HOXB3: variants seen among roughly 807,000 people sequenced by gnomAD.
HOXB3 encodes homeobox B3.
In HOXB3, 17 loss-of-function variants were observed where a neutral mutation model predicts 29.2. The observed-to-expected ratio is 0.58, with a 90% CI of 0.40 to 0.87. HOXB3 has a LOEUF of 0.87. HOXB3 is among the 40% of genes least tolerant of loss of function. The probability of loss-of-function intolerance (pLI) is 0.00; values close to 1 mark genes in which losing one functional copy is unlikely to be tolerated. For missense variants in HOXB3, 637 were observed against 616.3 expected (o/e 1.03, Z -0.35); for synonymous variants, 317 against 285.9 (o/e 1.11, Z -1.10).
intron 1 of HOXB3, among the ~76,000 whole-genome samples, chr17:48,585,732 T>G (rs1371220570): frequency 6.6e-6 from 1 of 152,166 alleles, no homozygotes; most frequent in Non-Finnish European, 1.5e-5. Context: ...AGAAAACGAA[T>G]TAGAGAGATG....
At chr17:48,559,545 T>C (rs1036268560) in intron 2 of HOXB3, 1 of 152,182 alleles carries the variant, frequency 6.6e-6, no homozygotes, top group Non-Finnish European at 1.5e-5. Flanking sequence ...AAAAGTGGTG[T>C]AAAGGTCACA....
chr17:48,582,766 C>A (rs2069974810), intron 1 of HOXB3: 1 of 152,266 alleles, frequency 6.6e-6, no homozygotes, highest in African/African-American at 2.4e-5. Context: ...TCATCCAACC[C>A]CCACCCGAAA....
At chr17:48,582,763 A>AC (rs1417418440) in intron 1 of HOXB3, 1 of 151,486 alleles carries the variant, frequency 6.6e-6, no homozygotes, top group Non-Finnish European at 1.5e-5. Flanking sequence ...TCTTCATCCA[A>AC]CCCCCACCCG....
rs142902270 is a variant in HOXB3, at chr17:48,563,256, G to A, written c.-246-7638C>T. Among the ~76,000 whole-genome samples, 632 of 152,256 alleles carry A rather than the reference G, an allele frequency of 4.2e-3. 3 individuals carry two copies. Among genetic ancestry groups the A allele is most frequent in the African/African-American group, 0.014 (596 of 41,542 alleles). ...AGTGGGCTCTGCTGCATGTGGCTGC[G>A]GGAAGAAAAAAGCAGGAAAGAGCAC... On this transcript the variant is annotated intron_variant, in intron 2 of 4. Transcript: ENST00000498678.
chr17:48,576,708 C>G (rs750575261), intron 1 of HOXB3: 2 of 1,580,326 alleles, frequency 1.3e-6, no homozygotes, highest in South Asian at 1.1e-5. Context: ...TCGTGGCTCC[C>G]GCGTGCGGGG....
intron 1 of HOXB3, chr17:48,576,085 A>AATGGGCACGAAAGATGAGGG (rs1412353106): frequency 2.6e-5 from 4 of 152,520 alleles, no homozygotes; most frequent in Admixed American, 2.6e-4. Context: ...GCCCTCAGTG[A>AATGGGCACGAAAGATGAGGG]ATGGGCACGA....
At chr17:48,578,583 G>C in intron 1 of HOXB3, 1 of 390,206 alleles carries the variant, frequency 2.6e-6, no homozygotes, top group Non-Finnish European at 4.3e-6. Context: ...TTTACATAGG[G>C]CTCCTGCGGG....
chr17:48,574,022 A>AT lies in HOXB3; in HGVS notation c.-424-9dup, dbSNP rs2069675393. The AT allele has an allele frequency of 1.6e-6, 1 of 624,994 alleles. No individual in the cohort carries two copies. Among genetic ancestry groups the AT allele is most frequent in the Admixed American group, 2.8e-5 (1 of 35,594 alleles). 38.7% of individuals were successfully genotyped at this position (624,994 alleles called of 1,614,324 possible). A position where few individuals can be genotyped will look rare whatever the true frequency, so the allele number is the denominator to read the frequency against. On this transcript the variant is annotated splice_polypyrimidine_tract_variant and intron_variant, in intron 1 of 4. Coordinates refer to ENST00000498678, the MANE Select transcript of HOXB3 (RefSeq NM_001384749.1). ...CCGGTCCAAGGAGATTTGCTGTTGA[A>AT]TAATAACAAAGGAGAGAGGATACGT... is the stretch of plus-strand genomic sequence containing the variant.
chr17:48,565,565 G>A (rs1055066593), intron 2 of HOXB3, among the ~76,000 whole-genome samples: 2 of 152,192 alleles, frequency 1.3e-5, no homozygotes, highest in Non-Finnish European at 2.9e-5. Context: ...GCGTCTCTCA[G>A]TGTCTTCAGT....
At chr17:48,564,750 C>A (rs181398817) in intron 2 of HOXB3, among the ~76,000 whole-genome samples, 39 of 152,230 alleles carry the variant, frequency 2.6e-4, no homozygotes, top group African/African-American at 9.4e-4. Context: ...TCCGACCCGG[C>A]AGAGAAGGGA....
chr17:48,582,229 G>C (rs1042529791), intron 1 of HOXB3: 6 of 152,500 alleles, frequency 3.9e-5, no homozygotes, highest in Non-Finnish European at 8.8e-5. Flanking sequence ...GCCGGCCTGC[G>C]CACCGGCGGC....
chr17:48,565,227 A>G (rs2069353164), intron 2 of HOXB3, among the ~76,000 whole-genome samples: 1 of 152,168 alleles, frequency 6.6e-6, no homozygotes, highest in African/African-American at 2.4e-5. Context: ...TGATTAAGTT[A>G]CTGATGCTGG....
At chr17:48,567,881 G>C (rs1456316988) in intron 2 of HOXB3, among the ~76,000 whole-genome samples, 3 of 152,302 alleles carry the variant, frequency 2.0e-5, no homozygotes, top group South Asian at 4.2e-4. Flanking sequence ...TTGTTAGCCA[G>C]GAGGGTGGGG....
intron 1 of HOXB3, chr17:48,579,975 C>G (rs750520206): frequency 7.9e-6 from 4 of 507,724 alleles, no homozygotes; most frequent in Non-Finnish European, 1.6e-5. Context: ...TTCCAGTTCT[C>G]CTACTTTCCG....
chr17:48,589,422 C>T (rs1230079916), intron 1 of HOXB3, among the ~76,000 whole-genome samples: 2 of 152,202 alleles, frequency 1.3e-5, no homozygotes, highest in African/African-American at 4.8e-5. Flanking sequence ...GAATTGCCCT[C>T]TCTGTCTGCT....
intron 2 of HOXB3, chr17:48,556,704 G>A (rs1208515504): frequency 2.6e-5 from 4 of 152,194 alleles, no homozygotes. Context: ...GTTTTAGTTT[G>A]AGCTCCAGAC....
Position 48,548,878 on chromosome 17 carries a change from A to G in HOXB3, c.*1456T>C, listed in dbSNP as rs1264283199. 6.6e-6 allele frequency: 1 copy of G among 152,324 alleles called. No homozygotes were observed. Among genetic ancestry groups the G allele is most frequent in the African/African-American group, 2.4e-5 (1 of 41,468 alleles). 9.4% of individuals were successfully genotyped at this position (152,324 alleles called of 1,614,324 possible). On this transcript the variant is annotated 3_prime_UTR_variant, in exon 5 of 5. Transcript: ENST00000498678. ...GGACCACCAGGACAAGATAAAATTG[A>G]TAACAGAAAGTTTATTCAAGAATTG...
At chr17:48,551,610 T>C (rs1326103692) in intron 4 of HOXB3, among the ~76,000 whole-genome samples, 2 of 152,276 alleles carry the variant, frequency 1.3e-5, no homozygotes, top group Admixed American at 1.3e-4. Context: ...ATCTGGACAC[T>C]CGTGGGCAGG....
Position 48,552,273 on chromosome 17 carries a change from C to T in HOXB3, c.202G>A (p.Glu68Lys), listed in dbSNP as rs766212848. 4 of 1,613,784 alleles carry T rather than the reference C, an allele frequency of 2.5e-6. No homozygotes were observed. Among genetic ancestry groups the T allele is most frequent in the African/African-American group, 1.3e-5 (1 of 74,902 alleles). ...GNAAPHAKSK[E>K]LNGSCMRPGL... ...GGCCTCATGCAGCTGCCGTTGAGCTCCTTGCTCTTGGCATGTGGGGCAGCG... is the reference window on the plus strand; with the variant it reads ...GGCCTCATGCAGCTGCCGTTGAGCTTCTTGCTCTTGGCATGTGGGGCAGCG... The change falls in exon 4 of 5, where the codon GAG becomes AAG. Residue 68 changes from glutamate (E) to lysine (K), a missense_variant. Physicochemically the swap from Glu to Lys is moderately conservative, Grantham distance 56 (BLOSUM62 1). Coordinates refer to ENST00000498678, the MANE Select transcript of HOXB3 (RefSeq NM_001384749.1).
Sources: gnomAD v4.1 joint callset for allele counts (sites outside exome capture counted in the v4.1 genomes callset) on GRCh38, gnomAD v4.1.1 for gene constraint, MANE v1.5 for transcripts, NCBI Gene and HGNC (gene_info 2026-07-23, HGNC 2026-07-21) for gene names.